TMEM178B: variants seen among roughly 807,000 people sequenced by gnomAD.
The protein encoded by TMEM178B is transmembrane protein 178B.
A neutral mutation model predicts 31.0 loss-of-function variants in TMEM178B; 5 were observed. That is an observed-to-expected ratio of 0.16 (90% CI 0.08 to 0.34). The LOEUF (loss-of-function observed/expected upper bound fraction) is 0.34. TMEM178B is among the 10% of genes least tolerant of loss of function. TMEM178B has a pLI of 1.00. For missense variants in TMEM178B, 275 were observed against 400.3 expected (o/e 0.69, Z 2.67); for synonymous variants, 164 against 164.0 (o/e 1.00, Z 0.00).
chr7:141,281,073 G>A (rs1563140068), intron 2 of TMEM178B, among the ~76,000 whole-genome samples: 1 of 151,894 alleles, frequency 6.6e-6, no homozygotes, highest in Admixed American at 6.6e-5. Flanking sequence ...GGGATATTGT[G>A]GTTTGTCAAA....
rs115695613 is a variant in TMEM178B at position 141,214,740 on chromosome 7, G to A, written c.496+2036G>A. Among the ~76,000 whole-genome samples the A allele has an allele frequency of 2.3e-3, 344 of 152,128 alleles. 1 individual carries two copies. Among genetic ancestry groups the A allele is most frequent in the Middle Eastern group, 0.014 (4 of 294 alleles). On this transcript the variant is annotated intron_variant, in intron 2 of 3. Coordinates refer to ENST00000565468, the MANE Select transcript of TMEM178B (RefSeq NM_001195278.2). ...TTCTTTGAGCCCTGCGTGTCTCCAGGTTCTTATTCCCAAACTGTAGTGCTG... is the reference window on the plus strand; with the variant it reads ...TTCTTTGAGCCCTGCGTGTCTCCAGATTCTTATTCCCAAACTGTAGTGCTG...
intron 3 of TMEM178B, among the ~76,000 whole-genome samples, chr7:141,458,538 G>C (rs1381469788): frequency 6.6e-6 from 1 of 152,200 alleles, no homozygotes; most frequent in Non-Finnish European, 1.5e-5. Flanking sequence ...GTTGAGAGCA[G>C]TTGCTCCCCA....
chr7:141,311,635 C>T (rs1328839087), intron 2 of TMEM178B, among the ~76,000 whole-genome samples: 2 of 152,158 alleles, frequency 1.3e-5, no homozygotes, highest in East Asian at 3.8e-4. Flanking sequence ...TGATTTTCTA[C>T]CATTTGTCTT....
chr7:141,278,379 C>T (rs980252834), intron 2 of TMEM178B, among the ~76,000 whole-genome samples: 2 of 152,076 alleles, frequency 1.3e-5, no homozygotes, highest in African/African-American at 2.4e-5. Flanking sequence ...GTTAGGAGTT[C>T]GAGACCAGCC....
At chr7:141,486,478 T>C in the TMEM178B span, among the ~76,000 whole-genome samples, 1 of 152,324 alleles carries the variant, frequency 6.6e-6, no homozygotes. Flanking sequence ...GTCTTTCATA[T>C]ACCTTCAGAG....
intron 1 of TMEM178B, among the ~76,000 whole-genome samples, chr7:141,132,940 G>A (rs937449714): frequency 1.3e-5 from 2 of 152,148 alleles, no homozygotes; most frequent in Admixed American, 1.3e-4. Flanking sequence ...AACAACTGCA[G>A]CCTAAACCAC....
intron 2 of TMEM178B, among the ~76,000 whole-genome samples, chr7:141,316,119 A>G (rs568557539): frequency 8.5e-5 from 13 of 152,256 alleles, no homozygotes; most frequent in African/African-American, 1.7e-4. Flanking sequence ...GGAAGTAGCA[A>G]TACTGCACAC....
intron 2 of TMEM178B, among the ~76,000 whole-genome samples, chr7:141,213,952 T>C (rs1386673271): frequency 6.6e-6 from 1 of 152,208 alleles, no homozygotes; most frequent in East Asian, 1.9e-4. Flanking sequence ...CTAGAGACAC[T>C]AAGCAGCACA....
chr7:141,441,271 A>C (rs1727484), intron 3 of TMEM178B, among the ~76,000 whole-genome samples: 38,288 of 151,944 alleles, frequency 0.25, 5,729 homozygotes, highest in East Asian at 0.58. Context: ...TCAGAGAGAC[A>C]TGTCAGCACC....
At chr7:141,310,920 C>T (rs1162879683) in intron 2 of TMEM178B, among the ~76,000 whole-genome samples, 2 of 152,076 alleles carry the variant, frequency 1.3e-5, no homozygotes, top group Non-Finnish European at 2.9e-5. Context: ...CAATCATAGA[C>T]CAGATAAAGA....
intron 2 of TMEM178B, among the ~76,000 whole-genome samples, chr7:141,239,484 C>T (rs1240856672): frequency 4.6e-5 from 7 of 152,122 alleles, no homozygotes; most frequent in Admixed American, 4.6e-4. Context: ...TCATTGGGTG[C>T]CAGCCATCGC....
intron 3 of TMEM178B, among the ~76,000 whole-genome samples, chr7:141,440,278 C>T (rs1801633498): frequency 6.6e-6 from 1 of 152,198 alleles, no homozygotes; most frequent in East Asian, 1.9e-4. Context: ...GAGTGAGAGC[C>T]TTGCTTACCT....
intron 2 of TMEM178B, among the ~76,000 whole-genome samples, chr7:141,294,809 A>T (rs552531043): frequency 2.6e-4 from 39 of 152,146 alleles, no homozygotes; most frequent in Non-Finnish European, 3.7e-4. Context: ...TCTCATATAG[A>T]ATATAATAGA....
At chr7:141,382,339 G>A (rs2116589188) in intron 2 of TMEM178B, among the ~76,000 whole-genome samples, 1 of 152,300 alleles carries the variant, frequency 6.6e-6, no homozygotes, top group African/African-American at 2.4e-5. Flanking sequence ...AGGAATCTGT[G>A]AAGTGCTAGA....
chr7:141,244,686 T>C (rs1212441109), intron 2 of TMEM178B, among the ~76,000 whole-genome samples: 1 of 152,052 alleles, frequency 6.6e-6, no homozygotes, highest in Non-Finnish European at 1.5e-5. Context: ...AATTAGAGTG[T>C]CAGTGAAAAA....
At chr7:141,480,638 CTGT>C (rs1308955677), downstream of TMEM178B, among the ~76,000 whole-genome samples, 8 of 152,204 alleles carry the variant, frequency 5.3e-5, no homozygotes, top group Non-Finnish European at 4.4e-5. Flanking sequence ...AAGAGGGAAA[CTGT>C]TGTTCTTTTT....
chr7:141,426,067 C>A (rs954961433), intron 2 of TMEM178B, among the ~76,000 whole-genome samples: 1 of 152,100 alleles, frequency 6.6e-6, no homozygotes, highest in African/African-American at 2.4e-5. Context: ...ACAATAAAAA[C>A]TATGTTGAAT....
chr7:141,482,308 C>G (rs546536653), downstream of TMEM178B, among the ~76,000 whole-genome samples: 3 of 152,214 alleles, frequency 2.0e-5, no homozygotes, highest in Non-Finnish European at 4.4e-5. Context: ...AAGCCTTCCT[C>G]CCTGAACACC....
chr7:141,444,443 C>A lies in TMEM178B; in HGVS notation c.634+6698C>A, dbSNP rs144329009. ...TCAGTAAAATACCCCATCTTATCTT[C>A]TGTTCCTATTCTAATCATCTCCCCT... On this transcript the variant is annotated intron_variant, in intron 3 of 3. Transcript: ENST00000565468. Among the ~76,000 whole-genome samples, 66 of 152,328 alleles carry A rather than the reference C, an allele frequency of 4.3e-4. No individual in the cohort carries two copies. The East Asian group carries it at 0.012, about 27-fold the overall frequency.
Sources: allele counts gnomAD v4.1 joint callset (sites outside exome capture counted in the v4.1 genomes callset), GRCh38; gene constraint gnomAD v4.1.1; transcripts MANE v1.5; gene names NCBI Gene and HGNC (gene_info 2026-07-23, HGNC 2026-07-21).